The following COL21A1 variants were observed in gnomAD, a reference collection of about 807,000 sequenced individuals.
COL21A1 encodes collagen type XXI alpha 1 chain.
A neutral mutation model predicts 137.9 loss-of-function variants in COL21A1; 149 were observed. That is an observed-to-expected ratio of 1.08 (90% CI 0.95 to 1.24). COL21A1 has a LOEUF of 1.24. Ranked by LOEUF, COL21A1 falls within the 50% of genes most tolerant of loss-of-function variation. The pLI is 0.00. For synonymous variants in COL21A1, 456 were observed against 391.5 expected (o/e 1.16, Z -1.95); for missense variants, 1,167 against 1,158.4 (o/e 1.01, Z -0.11).
At chr6:56,143,065 T>C (rs772659042) in intron 10 of COL21A1, among the ~76,000 whole-genome samples, 1 of 152,204 alleles carries the variant, frequency 6.6e-6, no homozygotes, top group Non-Finnish European at 1.5e-5. Context: ...TATTCTTTGC[T>C]ACCTCTAGTA....
intron 7 of COL21A1, 178 bp downstream of exon 7, chr6:56,166,728 C>A (rs1360251859): frequency 1.5e-6 from 1 of 688,608 alleles, no homozygotes; most frequent in Non-Finnish European, 2.6e-6. Context: ...ACATAACAAT[C>A]TCATTTCAAT....
chr6:56,325,823 T>TATACATATTATATAATA, intron 1 of COL21A1, among the ~76,000 whole-genome samples: 1 of 17,106 alleles, frequency 5.8e-5, no homozygotes, highest in African/African-American at 2.1e-4. Flanking sequence ...TATTATATAT[T>TATACATATTATATAATA]ATATGTTATA....
intron 1 of COL21A1, among the ~76,000 whole-genome samples, chr6:56,219,672 C>T (rs957171407): frequency 1.1e-4 from 16 of 152,122 alleles, no homozygotes; most frequent in East Asian, 1.9e-4. Context: ...TATATCCTGA[C>T]GATGGATGTG....
At chr6:56,119,401 A>G (rs1262035939) in intron 16 of COL21A1, among the ~76,000 whole-genome samples, 3 of 152,162 alleles carry the variant, frequency 2.0e-5, no homozygotes, top group African/African-American at 7.2e-5. Context: ...AATGAAAGAA[A>G]TTGAAGAGGA....
intron 13 of COL21A1, 94 bp downstream of exon 13, chr6:56,126,002 A>G (rs1453912749): frequency 1.4e-6 from 1 of 689,706 alleles, no homozygotes; most frequent in Admixed American, 3.2e-5. Context: ...TTATATATGA[A>G]CATTTATTTA....
intron 10 of COL21A1, among the ~76,000 whole-genome samples, chr6:56,145,251 GAAT>G (rs575159844): frequency 4.5e-4 from 68 of 152,212 alleles, no homozygotes; most frequent in African/African-American, 1.6e-3. Context: ...TACAATATAG[GAAT>G]AATAAGTGCT....
intron 1 of COL21A1, among the ~76,000 whole-genome samples, chr6:56,386,950 A>T (rs535911395): frequency 6.6e-6 from 1 of 152,344 alleles, no homozygotes; most frequent in African/African-American, 2.4e-5. Flanking sequence ...CATCTCCCTC[A>T]TTCCTAAAAT....
chr6:56,070,757 A>G lies in COL21A1; in HGVS notation c.2007T>C (p.Ala669=), dbSNP rs549563792. ...GCATCAAAATTACCTTGAGCCCAGA[A>G]GCCCCAGGCATCCCTTGAATTCCAG... ...GEPGIQGMPG[A]SGLKGEPGAT... is the part of the protein sequence containing the mutation. The change falls in exon 21 of 30, where the codon GCT becomes GCC. Residue 669 remains alanine (A), a synonymous_variant. Coordinates refer to ENST00000244728, the MANE Select transcript of COL21A1 (RefSeq NM_030820.4). 8 of 1,588,660 alleles carry G rather than the reference A, an allele frequency of 5.0e-6. No homozygotes were observed. In the South Asian group the frequency reaches 9.4e-5, roughly 19 times the overall value.
chr6:56,125,517 A>G (rs746736644), intron 14 of COL21A1, 50 bp downstream of exon 14: 9 of 1,334,838 alleles, frequency 6.7e-6, no homozygotes, highest in Non-Finnish European at 9.5e-6. Flanking sequence ...TTCTGTTTCC[A>G]TTACATTAAA....
chr6:56,219,991 A>G (rs1307973429), intron 1 of COL21A1, among the ~76,000 whole-genome samples: 1 of 152,152 alleles, frequency 6.6e-6, no homozygotes, highest in African/African-American at 2.4e-5. Context: ...TTCTTCAGAA[A>G]AAGAGTTTTT....
chr6:56,381,695 A>C (rs2094008935), intron 1 of COL21A1, among the ~76,000 whole-genome samples: 1 of 152,230 alleles, frequency 6.6e-6, no homozygotes, highest in African/African-American at 2.4e-5. Context: ...CCTTTAATCA[A>C]GTTTGACTGG....
intron 1 of COL21A1, among the ~76,000 whole-genome samples, chr6:56,386,844 A>G (rs1436624935): frequency 6.6e-6 from 1 of 152,168 alleles, no homozygotes; most frequent in Non-Finnish European, 1.5e-5. Flanking sequence ...AGGGAAAAAA[A>G]GATGAATTGG....
chr6:56,381,963 T>C lies in COL21A1; in HGVS notation c.-39+12008A>G, dbSNP rs373335560. 1.2e-4 allele frequency among the ~76,000 whole-genome samples: 19 copies of C among 152,300 alleles called. No individual in the cohort carries two copies. The East Asian group carries it at 3.3e-3, about 26-fold the overall frequency. ...TACCCACAATCTTCCTCACCAGTAA[T>C]TTGACTTCAGCAACAGATATGAATC... is the stretch of plus-strand genomic sequence containing the variant. On this transcript the variant is annotated intron_variant, in intron 1 of 28. Coordinates refer to the COL21A1 transcript ENST00000370819.
At chr6:56,179,061 A>G (rs1048527688) in intron 3 of COL21A1, among the ~76,000 whole-genome samples, 5 of 152,054 alleles carry the variant, frequency 3.3e-5, no homozygotes, top group African/African-American at 1.2e-4. Context: ...TATCCTATGA[A>G]TAGAGTATAA....
chr6:56,278,131 A>G lies in COL21A1; in HGVS notation c.-38-95475T>C, dbSNP rs531909952. 2.0e-3 allele frequency among the ~76,000 whole-genome samples: 307 copies of G among 152,346 alleles called. 2 individuals carry two copies. Among genetic ancestry groups the G allele is most frequent in the Non-Finnish European group, 3.9e-3 (267 of 68,032 alleles). On this transcript the variant is annotated intron_variant, in intron 1 of 28. Transcript: ENST00000370819. ...TCTGTATATTTTCTCTCTGGCAAAC[A>G]CAGAAGTAAACAAGTGCCAGAAACG...
intron 1 of COL21A1, among the ~76,000 whole-genome samples, chr6:56,238,476 A>G (rs1782056869): frequency 6.7e-6 from 1 of 149,724 alleles, no homozygotes; most frequent in Non-Finnish European, 1.5e-5. Context: ...TAAATCCAGG[A>G]GCTCACCACA....
At chr6:56,100,016 A>G (rs1048659916) in intron 17 of COL21A1, among the ~76,000 whole-genome samples, 1 of 152,192 alleles carries the variant, frequency 6.6e-6, no homozygotes, top group Non-Finnish European at 1.5e-5. Flanking sequence ...TTTTTCTCAC[A>G]AAACTTCAAT....
intron 1 of COL21A1, among the ~76,000 whole-genome samples, chr6:56,241,661 T>TTCTCTCTGGGAGAA (rs1269223126): frequency 6.6e-6 from 1 of 152,162 alleles, no homozygotes; most frequent in African/African-American, 2.4e-5. Flanking sequence ...TCCACAATGC[T>TTCTCTCTGGGAGAA]TCTCTCTGGG....
chr6:56,148,192 C>T (rs1312012065), intron 10 of COL21A1, among the ~76,000 whole-genome samples: 1 of 152,060 alleles, frequency 6.6e-6, no homozygotes, highest in African/African-American at 2.4e-5. Context: ...TACAGCGATG[C>T]CTTTTCACCA....
Sources: allele counts gnomAD v4.1 joint callset (sites outside exome capture counted in the v4.1 genomes callset), GRCh38; gene constraint gnomAD v4.1.1; transcripts MANE v1.5; gene names NCBI Gene and HGNC (gene_info 2026-07-23, HGNC 2026-07-21).